The following RAB27B variants were observed in gnomAD, a reference collection of about 807,000 sequenced individuals.
RAB27B encodes the protein ras-related protein Rab-27B.
Under a neutral mutation model 24.6 loss-of-function variants are expected in RAB27B, and 15 were observed. The observed-to-expected ratio is 0.61, with a 90% CI of 0.41 to 0.94. The LOEUF is 0.94. RAB27B is among the 40% of genes least tolerant of loss of function. The probability of loss-of-function intolerance (pLI) is 0.00; values close to 1 mark genes in which losing one functional copy is unlikely to be tolerated. For synonymous variants in RAB27B, 105 were observed against 92.5 expected, an observed-to-expected ratio of 1.14 and a Z score of -0.78; for missense variants, 261 against 266.8, an observed-to-expected ratio of 0.98 and a Z score of 0.15.
intron 2 of RAB27B, among the ~76,000 whole-genome samples, chr18:54,728,546 T>C (rs1410761217): frequency 6.6e-6 from 1 of 152,088 alleles, no homozygotes. Flanking sequence ...AAGGAAATAC[T>C]AAAGGAAGTT....
At chr18:54,783,751 G>A (rs1908992092) in intron 2 of RAB27B, among the ~76,000 whole-genome samples, 1 of 152,080 alleles carries the variant, frequency 6.6e-6, no homozygotes. Flanking sequence ...CTGGGCATAG[G>A]CTTCATTCTT....
At chr18:54,761,373 A>G (rs568273723) in intron 2 of RAB27B, among the ~76,000 whole-genome samples, 3 of 152,344 alleles carry the variant, frequency 2.0e-5, no homozygotes, top group African/African-American at 7.2e-5. Context: ...CAACACATTT[A>G]TTCATCTCTG....
chr18:54,862,318 T>C (rs984563735), intron 1 of RAB27B, among the ~76,000 whole-genome samples: 6 of 152,170 alleles, frequency 3.9e-5, no homozygotes, highest in Admixed American at 2.0e-4. Context: ...GGGGAAAGCA[T>C]ATTAAGGACA....
intron 2 of RAB27B, among the ~76,000 whole-genome samples, chr18:54,732,924 C>T (rs1598864696): frequency 6.6e-6 from 1 of 152,176 alleles, no homozygotes; most frequent in Non-Finnish European, 1.5e-5. Context: ...CCTTTTCCCC[C>T]ATATGTTATT....
In RAB27B at chr18:54,771,061, G is replaced by A. The variant is rs28742193; in HGVS notation, c.-20+52920G>A. The stretch of plus-strand genomic sequence containing the variant: ...TGAAGGCTCCATGCAGTATGAGGAT[G>A]GAAGATGGATTAGACTGCAGTAAGA... On this transcript the variant is annotated intron_variant, in intron 2 of 4. Transcript: ENST00000586570. 6.2e-3 allele frequency among the ~76,000 whole-genome samples: 946 copies of A among 152,248 alleles called. 11 individuals are homozygous for A. Among genetic ancestry groups the A allele is most frequent in the African/African-American group, 0.022 (900 of 41,554 alleles).
At chr18:54,772,486 A>T (rs1908582131) in intron 2 of RAB27B, among the ~76,000 whole-genome samples, 1 of 152,126 alleles carries the variant, frequency 6.6e-6, no homozygotes, top group African/African-American at 2.4e-5. Context: ...ATCCATGTTG[A>T]TTGTTCCTAC....
At chr18:54,792,926 A>G (rs1909298187) in intron 2 of RAB27B, among the ~76,000 whole-genome samples, 1 of 152,244 alleles carries the variant, frequency 6.6e-6, no homozygotes, top group Non-Finnish European at 1.5e-5. Flanking sequence ...AATTGGTTCC[A>G]GGATTCAAGT....
intron 2 of RAB27B, among the ~76,000 whole-genome samples, chr18:54,793,829 T>G (rs1355677708): frequency 1.3e-5 from 2 of 152,220 alleles, no homozygotes; most frequent in Non-Finnish European, 2.9e-5. Flanking sequence ...GAGGATCTCC[T>G]GAGCCCAGGA....
intron 1 of RAB27B, among the ~76,000 whole-genome samples, chr18:54,873,116 T>C (rs770333119): frequency 2.0e-5 from 3 of 152,238 alleles, no homozygotes; most frequent in Non-Finnish European, 2.9e-5. Flanking sequence ...TCTAACACAA[T>C]TTGTATTTCA....
intron 2 of RAB27B, among the ~76,000 whole-genome samples, chr18:54,771,702 C>T (rs1230266168): frequency 1.3e-5 from 2 of 151,602 alleles, no homozygotes; most frequent in African/African-American, 2.4e-5. Context: ...TTCACATTCT[C>T]TTTAAAAACT....
At chr18:54,888,606 A>G (rs774175951) in intron 5 of RAB27B, among the ~76,000 whole-genome samples, 3 of 151,996 alleles carry the variant, frequency 2.0e-5, no homozygotes, top group African/African-American at 2.4e-5. Flanking sequence ...GCTGAGCTTG[A>G]ATGGCAGCTT....
At position 54,892,542 on chromosome 18, in the gene RAB27B, A is replaced by G. The variant is rs906459976; in HGVS notation, c.*3129A>G. ...AGCTTACCTTTTAGGGTAGAAAAAG[A>G]AAGATCATTTGAAAAATGTATCTAA... On this transcript the variant is annotated 3_prime_UTR_variant, in exon 6 of 6. Transcript: ENST00000262094. 6.6e-6 allele frequency: 1 copy of G among 152,112 alleles called. No individual in the cohort carries two copies. The highest frequency in any genetic ancestry group is 2.4e-5 in the African/African-American group (1 of 41,434). The allele number at this position is 152,112 out of a possible 1,614,324, so 9.4% of individuals were successfully genotyped here.
Position 54,872,146 on chromosome 18 carries a change from G to A in RAB27B, c.-19-5421G>A, listed in dbSNP as rs551804948. 2.0e-5 allele frequency among the ~76,000 whole-genome samples: 3 copies of A among 152,238 alleles called. No individual in the cohort carries two copies. The South Asian group carries it at 6.2e-4, about 32-fold the overall frequency. On this transcript the variant is annotated intron_variant, in intron 1 of 5. Coordinates refer to ENST00000262094, the MANE Select transcript of RAB27B (RefSeq NM_004163.4). ...ATGGCAAATGGATGCTTATACGGAGGAGCCCAGTTCTCTGAGCCCTGACCT... is the reference window on the plus strand; with the variant it reads ...ATGGCAAATGGATGCTTATACGGAGAAGCCCAGTTCTCTGAGCCCTGACCT...
chr18:54,887,321 T>C (rs1913185322), intron 4 of RAB27B, among the ~76,000 whole-genome samples: 1 of 151,922 alleles, frequency 6.6e-6, no homozygotes, highest in South Asian at 2.1e-4. Flanking sequence ...ACAAATGGTG[T>C]GAAGCAGTTA....
intron 2 of RAB27B, among the ~76,000 whole-genome samples, chr18:54,763,120 C>G (rs1908244764): frequency 6.6e-6 from 1 of 151,986 alleles, no homozygotes; most frequent in Non-Finnish European, 1.5e-5. Flanking sequence ...GCAAGGAAAA[C>G]TTTCAGGAAA....
intron 2 of RAB27B, among the ~76,000 whole-genome samples, chr18:54,782,987 T>A (rs1908962905): frequency 6.6e-6 from 1 of 151,810 alleles, no homozygotes; most frequent in African/African-American, 2.4e-5. Flanking sequence ...AGACAGAGTC[T>A]CACTCTGTCA....
chr18:54,868,282 CT>C (rs1912321658), intron 1 of RAB27B, among the ~76,000 whole-genome samples: 1 of 152,176 alleles, frequency 6.6e-6, no homozygotes, highest in South Asian at 2.1e-4. Flanking sequence ...TCCCCCCTCA[CT>C]TTAGCTATCT....
At chr18:54,845,743 C>A (rs923916144) in intron 1 of RAB27B, among the ~76,000 whole-genome samples, 1 of 152,134 alleles carries the variant, frequency 6.6e-6, no homozygotes, top group African/African-American at 2.4e-5. Context: ...TGTTAACCTG[C>A]TATTCTAATT....
chr18:54,839,273 T>C (rs919996786), intron 1 of RAB27B, among the ~76,000 whole-genome samples: 35 of 152,236 alleles, frequency 2.3e-4, no homozygotes, highest in Non-Finnish European at 3.8e-4. Flanking sequence ...AATCAAAAGT[T>C]TTAGTAATTT....
Sources: gnomAD v4.1 joint callset for allele counts (sites outside exome capture counted in the v4.1 genomes callset) on GRCh38, gnomAD v4.1.1 for gene constraint, MANE v1.5 for transcripts, NCBI Gene and HGNC (gene_info 2026-07-23, HGNC 2026-07-21) for gene names.